The following SCRN2 variants were observed in gnomAD, a reference collection of about 807,000 sequenced individuals.
The protein encoded by SCRN2 is secernin-2.
In SCRN2, 30 loss-of-function variants were observed where a neutral mutation model predicts 40.1. The observed-to-expected ratio is 0.75, with a 90% CI of 0.56 to 1.01. SCRN2 has a LOEUF of 1.01. SCRN2 is among the 50% of genes least tolerant of loss of function. The pLI, the probability that SCRN2 is intolerant of heterozygous loss-of-function variation, is 0.00. For synonymous variants in SCRN2, 240 were observed against 233.5 expected (o/e 1.03, Z -0.25); for missense variants, 526 against 564.9 (o/e 0.93, Z 0.70).
chr17:47,839,942 T>G (rs183899136), intron 3 of SCRN2: 2 of 586,968 alleles, frequency 3.4e-6, no homozygotes, highest in Admixed American at 3.1e-5. Flanking sequence ...ATTACTGGTT[T>G]TATAAATTGG....
In SCRN2 at chr17:47,838,867, C is replaced by G. The variant is rs773781922; in HGVS notation, c.696G>C (p.Leu232=). The change falls in exon 5 of 8, where the codon CTG becomes CTC. Residue 232 remains leucine, a synonymous_variant. Transcript: ENST00000290216. ...GAFDFAQIFS[L]TQQPVRMEAA... ...CCTCCATGCGCACAGGCTGCTGGGT[C>G]AGGGAGAAGATCTGAGCAAAGTCAA... The G allele has an allele frequency of 6.2e-7, 1 of 1,613,686 alleles. No individual in the cohort carries two copies. The highest frequency in any genetic ancestry group is 8.5e-7 in the Non-Finnish European group (1 of 1,180,040).
At chr17:47,840,123 GC>G in intron 3 of SCRN2, 67 bp downstream of exon 3, 1 of 1,510,056 alleles carries the variant, frequency 6.6e-7, no homozygotes, top group Non-Finnish European at 9.0e-7. Context: ...GGATGGATGG[GC>G]CCAGGTCAAA....
chr17:47,839,976 A>G, intron 3 of SCRN2: 3 of 592,146 alleles, frequency 5.1e-6, no homozygotes, highest in Non-Finnish European at 8.9e-6. Context: ...ATTTCAACTG[A>G]AAATAAATAA....
intron 1 of SCRN2, 59 bp downstream of exon 1, chr17:47,841,149 G>A (rs980689906): frequency 1.7e-4 from 50 of 294,684 alleles, no homozygotes; most frequent in Non-Finnish European, 1.3e-5. Flanking sequence ...CGCATGCCCA[G>A]ATACCCGACC....
Position 47,837,940 on chromosome 17 carries a change from TGTGGCCTC to T in SCRN2, c.1174_1181del (p.Glu392ThrfsTer77). On this transcript the variant is annotated frameshift_variant, in exon 8 of 8. Coordinates refer to ENST00000290216, the MANE Select transcript of SCRN2 (RefSeq NM_138355.4). LOFTEE classifies it high-confidence loss of function. The stretch of plus-strand genomic sequence containing the variant: ...CCCACTCGCCGGCCAGCAGCCCCTG[TGTGGCCTC>T]GAGGCCTTCCTGCTCCAGATCCTGC... 6.2e-7 allele frequency: 1 copy of T among 1,606,678 alleles called. No homozygotes were observed. The highest frequency in any genetic ancestry group is 8.5e-7 in the Non-Finnish European group (1 of 1,179,410).
At chr17:47,840,972 A>C in intron 1 of SCRN2, 129 bp from the exon 2 acceptor site, 4 of 852,456 alleles carry the variant, frequency 4.7e-6, no homozygotes, top group South Asian at 3.1e-5. Flanking sequence ...CGCACACACC[A>C]TGGACGGGTG....
chr17:47,839,863 AAC>A (rs1401247824), intron 3 of SCRN2: 9 of 607,462 alleles, frequency 1.5e-5, no homozygotes, highest in Non-Finnish European at 2.3e-5. Flanking sequence ...AAAGGCCTGA[AAC>A]ACAGTTTCAG....
intron 4 of SCRN2, 117 bp downstream of exon 4, chr17:47,839,327 A>G (rs1598050976): frequency 1.9e-6 from 2 of 1,029,242 alleles, no homozygotes; most frequent in East Asian, 5.2e-5. Flanking sequence ...AGAATTCCCA[A>G]GTGGGCTCAT....
chr17:47,837,905 AG>A lies in SCRN2; in HGVS notation c.1216del (p.Leu406SerfsTer12). 6.2e-7 allele frequency: 1 copy of A among 1,604,948 alleles called. No individual in the cohort carries two copies. Reference protein sequence around the residue: ...GLLAGEWAPPLWELGSLFQAF... With the variant: ...GLLAGEWAPPXWELGSLFQAF... ...CTGGAAGAGGCTGCCCAGCTCCCAGAGGGGTGGGGCCCACTCGCCGGCCAGC... is the reference window on the plus strand; with the variant it reads ...CTGGAAGAGGCTGCCCAGCTCCCAGAGGGTGGGGCCCACTCGCCGGCCAGC... On this transcript the variant is annotated frameshift_variant, in exon 8 of 8. Transcript: ENST00000290216. LOFTEE classifies it high-confidence loss of function.
intron 7 of SCRN2, 26 bp downstream of exon 7, chr17:47,838,244 G>A: frequency 6.3e-7 from 1 of 1,579,520 alleles, no homozygotes; most frequent in Non-Finnish European, 8.6e-7. Context: ...ATCCCCTCAA[G>A]GTAGCCCCTA....
At chr17:47,840,421 C>T in intron 2 of SCRN2, 49 bp from the exon 3 acceptor site, 1 of 1,594,668 alleles carries the variant, frequency 6.3e-7, no homozygotes, top group South Asian at 1.1e-5. Context: ...GAGGGGCGGC[C>T]CCTCGAGTGT....
intron 3 of SCRN2, 183 bp downstream of exon 3, chr17:47,840,008 G>T: frequency 1.7e-6 from 1 of 605,754 alleles, no homozygotes; most frequent in Non-Finnish European, 2.9e-6. Flanking sequence ...TCTATTTCTG[G>T]GCCAGGAGAG....
At position 47,840,209 on chromosome 17, in the gene SCRN2, AG is replaced by A; in HGVS notation, c.337del (p.Leu113TrpfsTer22). The A allele has an allele frequency of 6.2e-7, 1 of 1,613,614 alleles. No homozygotes were observed. Among genetic ancestry groups the A allele is most frequent in the South Asian group, 1.1e-5 (1 of 91,080 alleles). On this transcript the variant is annotated frameshift_variant, in exon 3 of 8. Transcript: ENST00000290216. LOFTEE classifies it high-confidence loss of function. ...KEPVGEGEAL[L>X]GMDLLRLALE... ...TCTGCACCTGAGTAGGTCCATGCCC[AG>A]CAGGGCTTCCCCCTCCCCAACTGGC...
rs762443191 is a variant in SCRN2 at position 47,838,907 on chromosome 17, TC to T, written c.655del (p.Asp219MetfsTer14). 2.0e-5 allele frequency: 32 copies of T among 1,613,816 alleles called. No individual in the cohort carries two copies. The highest frequency in any genetic ancestry group is 2.4e-5 in the Non-Finnish European group (28 of 1,180,052). ...AGCAAAGTCAAAGGCACCCTGCCCA[TC>T]CCACCAGCCCTTGGCCTGGGCATGA... is the stretch of plus-strand genomic sequence containing the variant. ...RTHAQAKGWW[D>X]GQGAFDFAQI... On this transcript the variant is annotated frameshift_variant, in exon 5 of 8. Transcript: ENST00000290216. LOFTEE classifies it high-confidence loss of function.
In SCRN2 at chr17:47,839,536, A is replaced by G; in HGVS notation, c.464T>C (p.Phe155Ser). The G allele has an allele frequency of 6.2e-7, 1 of 1,613,944 alleles. No homozygotes were observed. Among genetic ancestry groups the G allele is most frequent in the Non-Finnish European group, 8.5e-7 (1 of 1,180,032 alleles). The part of the protein sequence containing the change: ...GGNCLEDAAP[F>S]SYHSTFLLAD... ...CAGCAGGAAGGTGCTATGGTAGGAGAATGGCGCAGCATCCTCCAGGCAGTT... is the reference window on the plus strand; with the variant it reads ...CAGCAGGAAGGTGCTATGGTAGGAGGATGGCGCAGCATCCTCCAGGCAGTT... Residue 155 changes from phenylalanine (F) to serine (S), a missense_variant, in exon 4 of 8, where the codon TTC becomes TCC. Phe to Ser is a radical substitution (Grantham distance 155). Transcript: ENST00000290216.
intron 3 of SCRN2, 180 bp from the exon 4 acceptor site, chr17:47,839,823 T>A: frequency 1.6e-6 from 1 of 645,068 alleles, no homozygotes; most frequent in Non-Finnish European, 2.7e-6. Context: ...ATGCTCTGGT[T>A]CCATGTGCTA....
At position 47,838,531 on chromosome 17, in the gene SCRN2, C is replaced by T. The variant is rs745395019; in HGVS notation, c.938G>A (p.Arg313Lys). ...CCTTCCCCACCCTCATTCTTCCCAC[C>T]TGGATGGGTCTGGCGTGGCGGTAAG... ...HFLTATPDPS[R>K]SVFKPFIFGM... The change falls in exon 6 of 8, where the codon AGG (arginine) becomes AAG (lysine). Residue 313 changes from arginine to lysine, a missense_variant and splice_region_variant. Transcript: ENST00000290216. 1 of 1,614,016 alleles carries T rather than the reference C, an allele frequency of 6.2e-7. No homozygotes were observed. Among genetic ancestry groups the T allele is most frequent in the Non-Finnish European group, 8.5e-7 (1 of 1,179,988 alleles).
chr17:47,839,720 A>G, intron 3 of SCRN2, 77 bp from the exon 4 acceptor site: 1 of 1,530,650 alleles, frequency 6.5e-7, no homozygotes, highest in Non-Finnish European at 9.0e-7. Flanking sequence ...CAGGGGACAG[A>G]AGAGGCCCGG....
intron 1 of SCRN2, 56 bp from the exon 2 acceptor site, chr17:47,840,899 G>A: frequency 7.1e-7 from 1 of 1,404,444 alleles, no homozygotes; most frequent in African/African-American, 1.5e-5. Flanking sequence ...CCGAGGAGCA[G>A]CCTACCCCCA....
Sources: gnomAD v4.1 joint callset for allele counts on GRCh38, gnomAD v4.1.1 for gene constraint, MANE v1.5 for transcripts, NCBI Gene and HGNC (gene_info 2026-07-23, HGNC 2026-07-21) for gene names.